DGKB: variants seen among roughly 807,000 people sequenced by gnomAD.
DGKB encodes the protein 90 kDa diacylglycerol kinase.
DGKB carries 67 observed loss-of-function variants against 114.3 expected under a neutral mutation model. The observed-to-expected ratio is 0.59, with a 90% CI of 0.48 to 0.72. The LOEUF (loss-of-function observed/expected upper bound fraction) is 0.72, where lower values mean the gene tolerates loss of function less well. Among genes scored for constraint, DGKB ranks in the 30% least tolerant of loss-of-function variants. The probability of loss-of-function intolerance (pLI) is 0.00; values close to 1 mark genes in which losing one functional copy is unlikely to be tolerated. For synonymous variants in DGKB, 398 were observed against 323.1 expected, an observed-to-expected ratio of 1.23 and a Z score of -2.49; for missense variants, 907 against 975.2, an observed-to-expected ratio of 0.93 and a Z score of 0.93.
intron 13 of DGKB, among the ~76,000 whole-genome samples, chr7:14,632,720 C>T (rs1474408309): frequency 6.6e-6 from 1 of 151,616 alleles, no homozygotes; most frequent in African/African-American, 2.4e-5. Flanking sequence ...TTCATGGAAA[C>T]AGAGTTCTCA....
intron 20 of DGKB, among the ~76,000 whole-genome samples, chr7:14,521,785 G>C (rs893152668): frequency 6.6e-6 from 1 of 152,020 alleles, no homozygotes; most frequent in South Asian, 2.1e-4. Context: ...GACTGCTTTT[G>C]TTCCTCAGTA....
At chr7:14,903,536 A>G (rs899902748), upstream of DGKB, among the ~76,000 whole-genome samples, 3 of 152,094 alleles carry the variant, frequency 2.0e-5, no homozygotes, top group African/African-American at 7.2e-5. Context: ...TCTCCCTTCT[A>G]CAACTGTAGT....
At chr7:14,599,953 A>G (rs1404759349) in intron 17 of DGKB, among the ~76,000 whole-genome samples, 6 of 152,222 alleles carry the variant, frequency 3.9e-5, no homozygotes, top group Admixed American at 3.9e-4. Context: ...CCTATAGAAA[A>G]AAAATCAGAA....
chr7:14,400,914 T>G (rs1823006763), intron 21 of DGKB, among the ~76,000 whole-genome samples: 1 of 151,734 alleles, frequency 6.6e-6, no homozygotes, highest in South Asian at 2.1e-4. Context: ...GGTCCAGAGA[T>G]TTATATTCAG....
At chr7:14,543,039 G>C (rs1793717536) in intron 20 of DGKB, among the ~76,000 whole-genome samples, 1 of 152,096 alleles carries the variant, frequency 6.6e-6, no homozygotes, top group Non-Finnish European at 1.5e-5. Flanking sequence ...CATATTACTT[G>C]TCCATGTCAT....
intron 22 of DGKB, among the ~76,000 whole-genome samples, chr7:14,339,987 C>G (rs540722564): frequency 6.6e-6 from 1 of 151,682 alleles, no homozygotes; most frequent in African/African-American, 2.4e-5. Context: ...TTTCCACATT[C>G]GCCTCATCAT....
At chr7:14,617,070 C>A (rs1018902867) in intron 15 of DGKB, among the ~76,000 whole-genome samples, 1 of 151,548 alleles carries the variant, frequency 6.6e-6, no homozygotes, top group Non-Finnish European at 1.5e-5. Flanking sequence ...GGTTTTGGAT[C>A]CCAGTTCAAT....
intron 17 of DGKB, among the ~76,000 whole-genome samples, chr7:14,597,122 G>A (rs1195710782): frequency 1.3e-5 from 2 of 151,958 alleles, no homozygotes; most frequent in Middle Eastern, 3.2e-3. Context: ...GCAGGAGAAT[G>A]GCGTGAACCC....
chr7:14,226,261 T>A (rs572387297), intron 23 of DGKB, among the ~76,000 whole-genome samples: 48 of 152,126 alleles, frequency 3.2e-4, no homozygotes, highest in Non-Finnish European at 1.3e-4. Context: ...GTTACTCATT[T>A]TTTTTCTTGA....
intron 1 of DGKB, among the ~76,000 whole-genome samples, chr7:14,862,494 T>C (rs1023026683): frequency 3.9e-5 from 6 of 152,088 alleles, no homozygotes; most frequent in Non-Finnish European, 8.8e-5. Context: ...TGAGGTATTA[T>C]AATAATATTA....
chr7:14,151,725 C>T (rs975248367), intron 25 of DGKB, among the ~76,000 whole-genome samples: 2 of 152,164 alleles, frequency 1.3e-5, no homozygotes, highest in Non-Finnish European at 1.5e-5. Context: ...AAATGAAATC[C>T]ACATCCTTTT....
chr7:14,464,938 T>C (rs942473788), intron 21 of DGKB, among the ~76,000 whole-genome samples: 1 of 152,200 alleles, frequency 6.6e-6, no homozygotes, highest in East Asian at 1.9e-4. Context: ...CACATTTTCC[T>C]GAGCTCTTGC....
intron 20 of DGKB, among the ~76,000 whole-genome samples, chr7:14,535,285 C>A (rs892382862): frequency 6.6e-6 from 1 of 151,002 alleles, no homozygotes; most frequent in African/African-American, 2.4e-5. Flanking sequence ...AGCAGGATTG[C>A]TTGAGCCTAG....
chr7:14,231,095 CTT>C (rs1328326120), intron 23 of DGKB, among the ~76,000 whole-genome samples: 2,572 of 102,270 alleles, frequency 0.025, 40 homozygotes, highest in African/African-American at 0.05. Context: ...TTCTTTCTTT[CTT>C]TCTTTCTTTC....
intron 23 of DGKB, chr7:14,209,694 C>A (rs1787440990): frequency 3.4e-6 from 1 of 291,036 alleles, no homozygotes; most frequent in Non-Finnish European, 6.8e-6. Flanking sequence ...TCTATCTTCC[C>A]TAACAAGAAA....
intron 21 of DGKB, among the ~76,000 whole-genome samples, chr7:14,419,669 A>T (rs998887517): frequency 6.6e-6 from 1 of 151,654 alleles, no homozygotes; most frequent in African/African-American, 2.4e-5. Flanking sequence ...GTGTTCCAGG[A>T]AAGTTGAAAG....
chr7:14,413,791 C>T (rs983689632), intron 21 of DGKB, among the ~76,000 whole-genome samples: 1 of 152,104 alleles, frequency 6.6e-6, no homozygotes, highest in Non-Finnish European at 1.5e-5. Flanking sequence ...TTGGATCAGA[C>T]TTGAGCTGTG....
rs1164493208 is a variant in DGKB at position 14,409,713 on chromosome 7, C to CA, written c.1836-64323dup. 2.2e-3 allele frequency among the ~76,000 whole-genome samples: 192 copies of CA among 88,314 alleles called. 70 individuals carry two copies. The highest frequency in any genetic ancestry group is 8.8e-3 in the African/African-American group (161 of 18,216). The allele number at this position is 88,314 out of a possible 152,430, so 57.9% of individuals were successfully genotyped here. A position where few individuals can be genotyped will look rare whatever the true frequency, so the allele number is the denominator to read the frequency against. ...TGGGCGACAGAGCGAGACTCCGTCT[C>CA]AAAAAAAAAAAAAAAAAAAAAAAAA... On this transcript the variant is annotated intron_variant, in intron 21 of 25. Coordinates refer to ENST00000402815, the MANE Select transcript of DGKB (RefSeq NM_001350709.2).
chr7:14,147,183 ATTTCTTTC>A lies in DGKB; in HGVS notation c.*1940_*1947del, dbSNP rs950308310. 57 of 152,218 alleles carry A rather than the reference ATTTCTTTC, an allele frequency of 3.7e-4. No homozygotes were observed. The highest frequency in any genetic ancestry group is 1.4e-3 in the African/African-American group (57 of 41,558). The allele number at this position is 152,218 out of a possible 1,614,324, so 9.4% of individuals were successfully genotyped here. A position where few individuals can be genotyped will look rare whatever the true frequency, so the allele number is the denominator to read the frequency against. On this transcript the variant is annotated 3_prime_UTR_variant, in exon 26 of 26. Transcript: ENST00000402815. ...GTAATGTACTTGTTACTGTTTTGAG[ATTTCTTTC>A]TTTCTTTTGGTCTGGATTACTCTTC...
Sources: gnomAD v4.1 joint callset for allele counts (sites outside exome capture counted in the v4.1 genomes callset) on GRCh38, gnomAD v4.1.1 for gene constraint, MANE v1.5 for transcripts, NCBI Gene and HGNC (gene_info 2026-07-23, HGNC 2026-07-21) for gene names.